SLC2A9: variants seen among roughly 807,000 people sequenced by gnomAD.
The protein encoded by SLC2A9 is solute carrier family 2, facilitated glucose transporter member 9.
SLC2A9 carries 39 observed loss-of-function variants against 50.6 expected under a neutral mutation model. The ratio of observed to expected loss-of-function variants is 0.77; its 90% confidence interval spans 0.60 to 1.01. The LOEUF (loss-of-function observed/expected upper bound fraction) is 1.01, where lower values mean the gene tolerates loss of function less well. Among genes scored for constraint, SLC2A9 ranks in the 50% least tolerant of loss-of-function variants. The probability of loss-of-function intolerance (pLI) is 0.00; values close to 1 mark genes in which losing one functional copy is unlikely to be tolerated. For synonymous variants in SLC2A9, 324 were observed against 276.9 expected (o/e 1.17, Z -1.69); for missense variants, 686 against 677.6 (o/e 1.01, Z -0.14).
intron 3 of SLC2A9, among the ~76,000 whole-genome samples, chr4:9,991,232 C>A (rs1022379444): frequency 1.1e-4 from 17 of 152,196 alleles, no homozygotes; most frequent in Admixed American, 2.0e-4. Flanking sequence ...TCCTGAAGAG[C>A]CCTTCCTCCA....
intron 5 of SLC2A9, among the ~76,000 whole-genome samples, chr4:9,962,884 G>A (rs1360156276): frequency 6.6e-6 from 1 of 152,128 alleles, no homozygotes; most frequent in East Asian, 1.9e-4. Flanking sequence ...AATGTGCAGA[G>A]CTCCCTCTTG....
intron 9 of SLC2A9, among the ~76,000 whole-genome samples, chr4:9,890,077 T>A (rs1486162060): frequency 6.6e-6 from 1 of 152,182 alleles, no homozygotes; most frequent in African/African-American, 2.4e-5. Context: ...CACCCCTGGA[T>A]GAAGGGACGA....
intron 5 of SLC2A9, among the ~76,000 whole-genome samples, chr4:9,963,780 C>T (rs1752652763): frequency 6.6e-6 from 1 of 152,182 alleles, no homozygotes; most frequent in Non-Finnish European, 1.5e-5. Context: ...TGTGGAGTCA[C>T]AGTGGGATCC....
At chr4:9,884,019 A>G (rs562021494) in intron 10 of SLC2A9, among the ~76,000 whole-genome samples, 2 of 152,320 alleles carry the variant, frequency 1.3e-5, no homozygotes, top group Non-Finnish European at 2.9e-5. Flanking sequence ...TAGACCAGAG[A>G]CACTCGGGGT....
At chr4:9,903,079 C>A (rs556236638) in intron 8 of SLC2A9, among the ~76,000 whole-genome samples, 9 of 152,246 alleles carry the variant, frequency 5.9e-5, no homozygotes, top group South Asian at 2.1e-4. Flanking sequence ...AGCTGCGGGG[C>A]CAGTATGAAA....
At chr4:9,983,783 GT>G (rs1157878265) in intron 4 of SLC2A9, among the ~76,000 whole-genome samples, 9 of 152,348 alleles carry the variant, frequency 5.9e-5, no homozygotes, top group African/African-American at 2.2e-4. Flanking sequence ...CTAAAATGCA[GT>G]GGTGCCATCA....
chr4:10,023,703 A>G (rs1473906719), upstream of SLC2A9, among the ~76,000 whole-genome samples: 1 of 152,128 alleles, frequency 6.6e-6, no homozygotes, highest in Non-Finnish European at 1.5e-5. Context: ...CTCCTACTAC[A>G]TGTGCACAGC....
intron 1 of SLC2A9, among the ~76,000 whole-genome samples, chr4:9,772,272 G>GAA (rs1716923220): frequency 6.6e-6 from 1 of 152,140 alleles, no homozygotes; most frequent in African/African-American, 2.4e-5. Flanking sequence ...AGAAGGGGTT[G>GAA]GCTGGTGGAG....
intron 1 of SLC2A9, among the ~76,000 whole-genome samples, chr4:9,772,437 G>T (rs1488349045): frequency 6.6e-6 from 1 of 152,220 alleles, no homozygotes; most frequent in Non-Finnish European, 1.5e-5. Context: ...GACCAGCTTT[G>T]GCTAGAGATG....
intron 11 of SLC2A9, among the ~76,000 whole-genome samples, chr4:9,827,285 G>C (rs1725303813): frequency 6.6e-6 from 1 of 152,206 alleles, no homozygotes. Flanking sequence ...GGACATATTT[G>C]TGGAATAAAA....
intron 7 of SLC2A9, among the ~76,000 whole-genome samples, chr4:9,919,933 G>A (rs939093640): frequency 4.5e-4 from 68 of 152,122 alleles, no homozygotes; most frequent in Non-Finnish European, 3.1e-4. Context: ...CCTGCCTGCA[G>A]CAGCTCAAGC....
At chr4:9,805,710 CA>C (rs1295930891) in intron 3 of SLC2A9, among the ~76,000 whole-genome samples, 1,432 of 116,612 alleles carry the variant, frequency 0.012, 23 homozygotes, top group African/African-American at 0.04. Context: ...TTTTTTGTCT[CA>C]AAAAAAAAAA....
intron 5 of SLC2A9, among the ~76,000 whole-genome samples, chr4:9,977,552 C>T (rs1489396610): frequency 1.4e-5 from 2 of 145,750 alleles, no homozygotes; most frequent in Admixed American, 1.4e-4. Flanking sequence ...TCCCCCTCCC[C>T]CTCCCCCTCC....
At chr4:9,886,143 C>A (rs554891346) in intron 10 of SLC2A9, among the ~76,000 whole-genome samples, 3 of 152,112 alleles carry the variant, frequency 2.0e-5, no homozygotes, top group African/African-American at 7.2e-5. Flanking sequence ...GACTTCCACA[C>A]CAGAGGCAAG....
At chr4:10,014,992 G>A (rs781090212) in intron 2 of SLC2A9, among the ~76,000 whole-genome samples, 7 of 152,156 alleles carry the variant, frequency 4.6e-5, no homozygotes, top group Admixed American at 1.3e-4. Flanking sequence ...AGCTGTCTTC[G>A]GTTTCTCAGT....
rs1725133187 is a variant in SLC2A9, at chr4:9,826,393, C to T, written c.*4G>A. ...TAATTGTCCAACGTGGAGGAGGAAA[C>T]TTGTTAAGGCCTTCCATTTATCTTA... On this transcript the variant is annotated 3_prime_UTR_variant, in exon 12 of 12. Transcript: ENST00000264784. The T allele has an allele frequency of 6.2e-7, 1 of 1,613,990 alleles. No individual in the cohort carries two copies. The highest frequency in any genetic ancestry group is 1.1e-5 in the South Asian group (1 of 91,082).
chr4:9,782,074 C>G (rs772510703), intron 3 of SLC2A9: 18 of 1,501,392 alleles, frequency 1.2e-5, no homozygotes, highest in Non-Finnish European at 1.6e-5. Context: ...CGGGGCAGTT[C>G]GCTCTATACC....
intron 10 of SLC2A9, among the ~76,000 whole-genome samples, chr4:9,869,756 G>C (rs998107898): frequency 6.6e-6 from 1 of 152,226 alleles, no homozygotes; most frequent in African/African-American, 2.4e-5. Flanking sequence ...GATCTAACTT[G>C]AATGAACTGT....
At chr4:9,827,153 A>C (rs1725282848) in intron 11 of SLC2A9, among the ~76,000 whole-genome samples, 1 of 152,168 alleles carries the variant, frequency 6.6e-6, no homozygotes, top group South Asian at 2.1e-4. Context: ...CAATGCAATC[A>C]CTCCGTTTTA....
Sources: allele counts gnomAD v4.1 joint callset (sites outside exome capture counted in the v4.1 genomes callset), GRCh38; gene constraint gnomAD v4.1.1; transcripts MANE v1.5; gene names NCBI Gene and HGNC (gene_info 2026-07-23, HGNC 2026-07-21).